Variants in ZNF69 observed in about 807,000 individuals in gnomAD.
ZNF69 encodes the protein ZNF3.
In ZNF69, 47 loss-of-function variants were observed where a neutral mutation model predicts 50.9. That is an observed-to-expected ratio of 0.92 (90% CI 0.73 to 1.18). The LOEUF (loss-of-function observed/expected upper bound fraction) is 1.18, where lower values mean the gene tolerates loss of function less well. Ranked by LOEUF, ZNF69 falls within the 50% of genes most tolerant of loss-of-function variation. ZNF69 has a pLI of 0.00. For missense variants in ZNF69, 717 were observed against 675.1 expected (o/e 1.06, Z -0.69); for synonymous variants, 216 against 223.1 (o/e 0.97, Z 0.29).
chr19:11,952,412 A>C, the ZNF69 span, among the ~76,000 whole-genome samples: 1 of 152,240 alleles, frequency 6.6e-6, no homozygotes, highest in African/African-American at 2.4e-5. Flanking sequence ...AATTGTCTGA[A>C]TACAAGCCTT....
At chr19:11,951,464 C>G in the ZNF69 span, among the ~76,000 whole-genome samples, 3 of 152,050 alleles carry the variant, frequency 2.0e-5, no homozygotes, top group Admixed American at 6.5e-5. Context: ...CTCCGGACCT[C>G]GTGATCTGCC....
At chr19:11,973,295 G>A in the ZNF69 span, among the ~76,000 whole-genome samples, 10 of 152,170 alleles carry the variant, frequency 6.6e-5, no homozygotes, top group Admixed American at 6.6e-4. Context: ...GAATGATGCT[G>A]TAAGTGGCCA....
At chr19:11,930,215 C>T in the ZNF69 span, among the ~76,000 whole-genome samples, 1 of 148,480 alleles carries the variant, frequency 6.7e-6, no homozygotes, top group Non-Finnish European at 1.5e-5. Context: ...AGACACATGG[C>T]CAATCAGCTA....
chr19:11,948,406 A>C, the ZNF69 span: 3 of 1,614,038 alleles, frequency 1.9e-6, no homozygotes, highest in Non-Finnish European at 2.5e-6. Flanking sequence ...ATCATGTGAC[A>C]GCTTTGTGTG....
Position 11,903,920 on chromosome 19 carries a change from A to C in ZNF69, c.206A>C (p.Asp69Ala). The change falls in exon 3 of 4, where the codon GAC becomes GCC. Residue 69 changes from aspartate (D) to alanine (A), a missense_variant. Transcript: ENST00000429654. ...NLTSVGKSWK[D>A]QNIEYEYQNP... is the part of the protein sequence containing the mutation. ...TATATTTTAGGAAAAAGTTGGAAAG[A>C]CCAGAACATTGAATATGAGTACCAA... 6.2e-7 allele frequency: 1 copy of C among 1,614,012 alleles called. No individual in the cohort carries two copies. The highest frequency in any genetic ancestry group is 1.1e-5 in the South Asian group (1 of 91,032).
At chr19:11,958,912 T>C in the ZNF69 span, among the ~76,000 whole-genome samples, 149 of 152,356 alleles carry the variant, frequency 9.8e-4, 1 homozygote, top group Middle Eastern at 3.4e-3. Flanking sequence ...AAACAGAATC[T>C]CACTCTGTCG....
chr19:11,914,661 T>C (rs573729891), downstream of ZNF69, among the ~76,000 whole-genome samples: 1 of 152,286 alleles, frequency 6.6e-6, no homozygotes, highest in Non-Finnish European at 1.5e-5. Flanking sequence ...CTTTTATATA[T>C]TATGCAACGG....
In ZNF69 at chr19:11,888,019, G is replaced by T. The variant is rs780628470; in HGVS notation, c.63+33G>T. Reference sequence around the variant, plus strand: ...TCTGGGGCCGGGTGTCGTGAGACGGGGGAGGGGCTGCCTGGACCGACCGGA... The same window carrying T: ...TCTGGGGCCGGGTGTCGTGAGACGGTGGAGGGGCTGCCTGGACCGACCGGA... On this transcript the variant is annotated intron_variant, in intron 1 of 3. Transcript: ENST00000429654. 1.4e-5 allele frequency: 23 copies of T among 1,604,806 alleles called. No homozygotes were observed. In the Admixed American group the frequency reaches 3.8e-4, roughly 27 times the overall value.
the ZNF69 span, among the ~76,000 whole-genome samples, chr19:11,975,191 C>T: frequency 9.9e-5 from 15 of 151,682 alleles, no homozygotes; most frequent in Non-Finnish European, 1.9e-4. Context: ...CTCCGCCTCC[C>T]GGGTTCAAGC....
At position 11,906,211 on chromosome 19, in the gene ZNF69, C is replaced by A. The variant is rs1202649410; in HGVS notation, c.*113C>A. 9 of 1,530,534 alleles carry A rather than the reference C, an allele frequency of 5.9e-6. 1 individual carries two copies. In the South Asian group the frequency reaches 9.4e-5, roughly 16 times the overall value. The allele number at this position is 1,530,534 out of a possible 1,614,324, so 94.8% of individuals were successfully genotyped here. A position where few individuals can be genotyped will look rare whatever the true frequency, so the allele number is the denominator to read the frequency against. On this transcript the variant is annotated 3_prime_UTR_variant, in exon 4 of 4. Coordinates refer to ENST00000429654, the MANE Select transcript of ZNF69 (RefSeq NM_001364730.1). ...ACCCTTCAGGTCTGCCCAGAACCTT[C>A]GAATTCAGTAAAGGACACAAGCACA...
At chr19:11,959,285 T>C in the ZNF69 span, among the ~76,000 whole-genome samples, 24 of 152,296 alleles carry the variant, frequency 1.6e-4, no homozygotes, top group African/African-American at 5.3e-4. Context: ...AAGGAAATAG[T>C]TTTTTAATAA....
intron 1 of ZNF69, among the ~76,000 whole-genome samples, chr19:11,890,007 T>C (rs1977045064): frequency 6.6e-6 from 1 of 152,228 alleles, no homozygotes; most frequent in Admixed American, 6.5e-5. Flanking sequence ...CAGAGCAGTA[T>C]TGCTGCCAGC....
chr19:11,924,431 CAAA>C, the ZNF69 span, among the ~76,000 whole-genome samples: 43 of 65,198 alleles, frequency 6.6e-4, no homozygotes, highest in Middle Eastern at 6.5e-3. Flanking sequence ...GACTCCGTCT[CAAA>C]AAAAAAAAAA....
At chr19:11,959,326 A>T in the ZNF69 span, among the ~76,000 whole-genome samples, 1 of 152,260 alleles carries the variant, frequency 6.6e-6, no homozygotes, top group Non-Finnish European at 1.5e-5. Context: ...AATAATAACA[A>T]TATGAATACT....
chr19:11,904,624 G>C (rs547290869), intron 3 of ZNF69, 25 bp from the exon 4 acceptor site: 2 of 1,604,994 alleles, frequency 1.2e-6, no homozygotes, highest in Admixed American at 1.8e-5. Context: ...CAAACCCTTT[G>C]TAATGTGCTT....
At chr19:11,888,396 CAA>C (rs1468162116) in intron 1 of ZNF69, among the ~76,000 whole-genome samples, 1 of 152,154 alleles carries the variant, frequency 6.6e-6, no homozygotes, top group Non-Finnish European at 1.5e-5. Context: ...GGAACGTTAA[CAA>C]AGAGTTCATT....
the ZNF69 span, among the ~76,000 whole-genome samples, chr19:11,935,581 C>A: frequency 6.6e-6 from 1 of 151,892 alleles, no homozygotes; most frequent in Non-Finnish European, 1.5e-5. Context: ...AATTTTAGGA[C>A]TTCTTCATAC....
At chr19:11,907,864 A>G (rs1972402397), downstream of ZNF69, among the ~76,000 whole-genome samples, 1 of 152,232 alleles carries the variant, frequency 6.6e-6, no homozygotes, top group Admixed American at 6.5e-5. Flanking sequence ...TCCAATTAAA[A>G]GACACAGACT....
chr19:11,903,226 G>A (rs1261004543), intron 1 of ZNF69, among the ~76,000 whole-genome samples: 1 of 151,912 alleles, frequency 6.6e-6, no homozygotes, highest in African/African-American at 2.4e-5. Flanking sequence ...CCTGAGGTCA[G>A]CAGCCTGACC....
Sources: gnomAD v4.1 joint callset for allele counts (sites outside exome capture counted in the v4.1 genomes callset) on GRCh38, gnomAD v4.1.1 for gene constraint, MANE v1.5 for transcripts, NCBI Gene and HGNC (gene_info 2026-07-23, HGNC 2026-07-21) for gene names.